The following HNRNPUL1 variants were observed in gnomAD, a reference collection of about 807,000 sequenced individuals.
HNRNPUL1 encodes heterogeneous nuclear ribonucleoprotein U-like protein 1.
A neutral mutation model predicts 108.5 loss-of-function variants in HNRNPUL1; 14 were observed. The observed-to-expected ratio is 0.13, with a 90% CI of 0.09 to 0.20. The LOEUF (loss-of-function observed/expected upper bound fraction) is 0.20, where lower values mean the gene tolerates loss of function less well. HNRNPUL1 is among the 10% of genes least tolerant of loss of function. HNRNPUL1 has a pLI of 1.00. For missense variants in HNRNPUL1, 804 were observed against 1,168.3 expected, an observed-to-expected ratio of 0.69 and a Z score of 4.55; for synonymous variants, 422 against 445.2, an observed-to-expected ratio of 0.95 and a Z score of 0.66.
At chr19:41,284,937 A>C (rs2036130438) in intron 7 of HNRNPUL1, among the ~76,000 whole-genome samples, 1 of 150,322 alleles carries the variant, frequency 6.7e-6, no homozygotes, top group African/African-American at 2.5e-5. Flanking sequence ...CGGAGCTTGC[A>C]GTGAGCCACG....
chr19:41,265,141 G>A (rs1224455919), intron 1 of HNRNPUL1: 4 of 1,422,456 alleles, frequency 2.8e-6, no homozygotes, highest in Non-Finnish European at 3.7e-6. Context: ...TTGGGTTGGG[G>A]AGGGTCTCGA....
rs2036789381 is a variant in HNRNPUL1 at position 41,294,777 on chromosome 19, C to T, written c.1518+91C>T. The T allele has an allele frequency of 2.7e-6, 4 of 1,493,660 alleles. No homozygotes were observed. In the Admixed American group the frequency reaches 5.2e-5, roughly 19 times the overall value. 92.5% of individuals were successfully genotyped at this position (1,493,660 alleles called of 1,614,324 possible). A position where few individuals can be genotyped will look rare whatever the true frequency, so the allele number is the denominator to read the frequency against. On this transcript the variant is annotated intron_variant, in intron 10 of 14. Transcript: ENST00000392006. This position sits in a 1 kb window ranked among gnomAD's most constrained non-coding sequence, Gnocchi z 4.3. ...CCCTCTGGTCCCTTTCTTTTTTCCC[C>T]CGTAATGATGATGGACTGCTGTGCT...
intron 14 of HNRNPUL1, 79 bp downstream of exon 14, chr19:41,305,946 C>T: frequency 5.3e-6 from 5 of 945,882 alleles, no homozygotes; most frequent in East Asian, 2.6e-5. Context: ...AGACTTAAGT[C>T]CCTGCTTATC....
rs764295543 is a variant in HNRNPUL1, at chr19:41,302,792, T to C, written c.1815T>C (p.Pro605=). Residue 605 remains proline, a synonymous_variant, in exon 12 of 15, where the codon CCT becomes CCC. Transcript: ENST00000392006. ...NEEGRKAGPP[P]EKRFDNRGGG... is the part of the protein sequence containing the mutation. The stretch of plus-strand genomic sequence containing the variant: ...AAGGCCGCAAGGCTGGGCCACCCCC[T>C]GAAAAGCGCTTTGACAACCGAGGTG... 5.6e-6 allele frequency: 9 copies of C among 1,611,180 alleles called. No homozygotes were observed. The Middle Eastern group carries it at 6.6e-4, about 118-fold the overall frequency.
intron 1 of HNRNPUL1, chr19:41,265,376 G>T (rs2034766290): frequency 1.3e-6 from 2 of 1,520,272 alleles, no homozygotes; most frequent in Admixed American, 2.0e-5. Context: ...TGGAGGCGCT[G>T]GTGTCTGTGG....
chr19:41,280,485 G>A (rs1323569428), intron 6 of HNRNPUL1, among the ~76,000 whole-genome samples: 2 of 152,150 alleles, frequency 1.3e-5, no homozygotes, highest in Non-Finnish European at 2.9e-5. Context: ...TCCGTTTTGA[G>A]ATGTAGGTGG....
intron 11 of HNRNPUL1, chr19:41,302,331 G>A (rs1429263426): frequency 2.8e-6 from 1 of 358,144 alleles, no homozygotes; most frequent in African/African-American, 2.2e-5. Flanking sequence ...CAGTTCTCCT[G>A]CCTCAGCCTC....
chr19:41,277,010 T>G (rs879605770), intron 5 of HNRNPUL1, among the ~76,000 whole-genome samples: 12 of 151,582 alleles, frequency 7.9e-5, no homozygotes, highest in Non-Finnish European at 1.6e-4. Flanking sequence ...AGGCAGAGAA[T>G]TGCTTGAACC....
In HNRNPUL1 at chr19:41,307,536, C is replaced by T. The variant is rs1280326766; in HGVS notation, c.*971C>T. 6.6e-6 allele frequency: 1 copy of T among 152,568 alleles called. No homozygotes were observed. The highest frequency in any genetic ancestry group is 1.5e-5 in the Non-Finnish European group (1 of 68,034). 9.5% of individuals were successfully genotyped at this position (152,568 alleles called of 1,614,324 possible). ...CCCAAAAGCTTTTCCTACAGTGATA[C>T]CCTTTATTTTTACTTCCCCTTGACT... On this transcript the variant is annotated 3_prime_UTR_variant, in exon 15 of 15. Transcript: ENST00000392006.
upstream of HNRNPUL1, chr19:41,264,349 G>GGGGGGAGGC: frequency 1.8e-6 from 1 of 553,406 alleles, no homozygotes; most frequent in Non-Finnish European, 2.8e-6. Context: ...GCACGAGTGA[G>GGGGGGAGGC]GGGGGAGGCG....
At chr19:41,284,827 C>G (rs776844430) in intron 7 of HNRNPUL1, among the ~76,000 whole-genome samples, 18 of 151,894 alleles carry the variant, frequency 1.2e-4, no homozygotes, top group Non-Finnish European at 2.4e-4. Flanking sequence ...GAAACCCCGT[C>G]TCTACTAAAA....
At chr19:41,301,927 C>T (rs1298811496) in intron 11 of HNRNPUL1, among the ~76,000 whole-genome samples, 1 of 152,190 alleles carries the variant, frequency 6.6e-6, no homozygotes, top group Non-Finnish European at 1.5e-5. Flanking sequence ...TGGGGCAGCA[C>T]AAGGGAAAGG....
At chr19:41,282,305 C>T (rs2035942295) in intron 7 of HNRNPUL1, among the ~76,000 whole-genome samples, 1 of 152,124 alleles carries the variant, frequency 6.6e-6, no homozygotes, top group East Asian at 1.9e-4. Context: ...GCCTCAGCCC[C>T]CTGAGTAGCT....
chr19:41,296,361 G>C (rs2036896551), intron 10 of HNRNPUL1, among the ~76,000 whole-genome samples: 1 of 152,214 alleles, frequency 6.6e-6, no homozygotes. Context: ...GGCTGTACCA[G>C]GTATGCCTGT....
At chr19:41,288,677 A>T (rs2036399450) in intron 7 of HNRNPUL1, among the ~76,000 whole-genome samples, 1 of 152,142 alleles carries the variant, frequency 6.6e-6, no homozygotes, top group Non-Finnish European at 1.5e-5. Flanking sequence ...TTACTTTTGC[A>T]GCTTTGTATT....
chr19:41,264,212 C>T (rs1451561161), upstream of HNRNPUL1: 1 of 320,108 alleles, frequency 3.1e-6, no homozygotes. Flanking sequence ...AACGCTTCCT[C>T]CCCAGTAGCT....
At chr19:41,286,967 C>G (rs1474693435) in intron 7 of HNRNPUL1, among the ~76,000 whole-genome samples, 1 of 151,900 alleles carries the variant, frequency 6.6e-6, no homozygotes, top group Non-Finnish European at 1.5e-5. Flanking sequence ...ATCCGCCCGC[C>G]TCAGCCTCCC....
At chr19:41,298,284 C>G (rs1013343203) in intron 10 of HNRNPUL1, among the ~76,000 whole-genome samples, 3 of 152,212 alleles carry the variant, frequency 2.0e-5, no homozygotes, top group Non-Finnish European at 2.9e-5. Context: ...GTCCATGTCA[C>G]AGGGTTCAGG....
At chr19:41,306,342 C>A in intron 14 of HNRNPUL1, 107 bp from the exon 15 acceptor site, 1 of 695,504 alleles carries the variant, frequency 1.4e-6, no homozygotes, top group African/African-American at 1.8e-5. Flanking sequence ...CTGTGTTCAA[C>A]TGTTGTCACT....
Sources: allele counts gnomAD v4.1 joint callset (sites outside exome capture counted in the v4.1 genomes callset), GRCh38; gene constraint gnomAD v4.1.1; non-coding constraint Gnocchi (gnomAD v3.1); transcripts MANE v1.5; gene names NCBI Gene and HGNC (gene_info 2026-07-23, HGNC 2026-07-21).